The following SEC22C variants were observed in gnomAD, a reference collection of about 807,000 sequenced individuals.
SEC22C encodes vesicle-trafficking protein SEC22c.
SEC22C carries 29 observed loss-of-function variants against 34.7 expected under a neutral mutation model. The ratio of observed to expected loss-of-function variants is 0.84; its 90% CI spans 0.62 to 1.14. The LOEUF (loss-of-function observed/expected upper bound fraction) is 1.14, where lower values mean the gene tolerates loss of function less well. SEC22C is among the 50% of genes most tolerant of loss of function. The pLI, the probability that SEC22C is intolerant of heterozygous loss-of-function variation, is 0.00. For synonymous variants in SEC22C, 117 were observed against 132.8 expected (o/e 0.88, Z 0.82); for missense variants, 337 against 369.0 (o/e 0.91, Z 0.71).
At chr3:42,591,781 C>T (rs1289329674) in intron 1 of SEC22C, among the ~76,000 whole-genome samples, 1 of 152,190 alleles carries the variant, frequency 6.6e-6, no homozygotes, top group Admixed American at 6.5e-5. Context: ...GAGTACACTG[C>T]GGAGCCTGGA....
chr3:42,586,110 C>T (rs952528694), upstream of SEC22C, among the ~76,000 whole-genome samples: 1 of 152,338 alleles, frequency 6.6e-6, no homozygotes, highest in Admixed American at 6.5e-5. Flanking sequence ...TATGTGAACA[C>T]TCCATTGCTT....
chr3:42,563,531 A>G lies in SEC22C; in HGVS notation c.338T>C (p.Leu113Pro), dbSNP rs932417313. ...IGLASRPYAF[L>P]EFDSIIQKVK... is the part of the protein sequence containing the mutation. Reference sequence around the variant, plus strand: ...GAAAGAGGGTTACAAACCAAACTCAAGAAAAGCGTATGGCCTGGAGGCTAG... The same window carrying G: ...GAAAGAGGGTTACAAACCAAACTCAGGAAAAGCGTATGGCCTGGAGGCTAG... Residue 113 changes from leucine (L) to proline (P), a missense_variant, in exon 3 of 7, where the codon CTT becomes CCT. Physicochemically the swap from Leu to Pro is moderately conservative, Grantham distance 98 (BLOSUM62 -3). Coordinates refer to ENST00000264454, the MANE Select transcript of SEC22C (RefSeq NM_032970.4). The G allele has an allele frequency of 6.2e-7, 1 of 1,609,280 alleles. No individual in the cohort carries two copies. The highest frequency in any genetic ancestry group is 8.5e-7 in the Non-Finnish European group (1 of 1,178,640).
chr3:42,590,542 C>T (rs1203932568), intron 1 of SEC22C, among the ~76,000 whole-genome samples: 1 of 151,630 alleles, frequency 6.6e-6, no homozygotes, highest in African/African-American at 2.4e-5. Context: ...AGCTGAGATG[C>T]GCCACTGCAC....
At position 42,549,937 on chromosome 3, in the gene SEC22C, T is replaced by C; in HGVS notation, c.*3311A>G. The C allele has an allele frequency of 3.0e-6, 3 of 985,452 alleles. No homozygotes were observed. The highest frequency in any genetic ancestry group is 3.6e-6 in the Non-Finnish European group (3 of 829,946). The allele number at this position is 985,452 out of a possible 1,614,324, so 61.0% of individuals were successfully genotyped here. A position where few individuals can be genotyped will look rare whatever the true frequency, so the allele number is the denominator to read the frequency against. On this transcript the variant is annotated 3_prime_UTR_variant, in exon 7 of 7. Coordinates refer to ENST00000264454, the MANE Select transcript of SEC22C (RefSeq NM_032970.4). ...GCCTCCAGCTGCAGGCAGTGGGGCC[T>C]CTGGTACTGAGAGGGAATGCCACCC...
Position 42,549,706 on chromosome 3 carries a change from T to C in SEC22C, c.*3542A>G, listed in dbSNP as rs1038998899. 1.0e-6 allele frequency: 1 copy of C among 985,392 alleles called. No individual in the cohort carries two copies. The highest frequency in any genetic ancestry group is 1.7e-5 in the African/African-American group (1 of 57,248). The allele number at this position is 985,392 out of a possible 1,614,324, so 61.0% of individuals were successfully genotyped here. The stretch of plus-strand genomic sequence containing the variant: ...TCTCATCCCTCCAGAGACTCCAGTT[T>C]CAGACTCTGTCTCCAGAGCTGGAAT... On this transcript the variant is annotated 3_prime_UTR_variant, in exon 7 of 7. Transcript: ENST00000264454.
intron 2 of SEC22C, among the ~76,000 whole-genome samples, chr3:42,567,984 A>T (rs1703362583): frequency 6.6e-6 from 1 of 152,158 alleles, no homozygotes; most frequent in Non-Finnish European, 1.5e-5. Context: ...AAGCAGAAGA[A>T]TCACTTGAAC....
chr3:42,581,056 G>C (rs1417317303), intron 1 of SEC22C, among the ~76,000 whole-genome samples: 1 of 152,192 alleles, frequency 6.6e-6, no homozygotes, highest in East Asian at 1.9e-4. Context: ...TATTAACATT[G>C]TCCAAAATGT....
chr3:42,589,830 T>C (rs1419299954), intron 1 of SEC22C, among the ~76,000 whole-genome samples: 1 of 152,158 alleles, frequency 6.6e-6, no homozygotes, highest in Non-Finnish European at 1.5e-5. Flanking sequence ...GGACCACTGG[T>C]CTAGAAGACT....
chr3:42,570,157 C>T (rs1703527857), intron 1 of SEC22C, among the ~76,000 whole-genome samples: 1 of 152,172 alleles, frequency 6.6e-6, no homozygotes, highest in South Asian at 2.1e-4. Flanking sequence ...TTTGGCATCT[C>T]AGTTCTTCAT....
At chr3:42,566,229 T>C (rs1703228550) in intron 2 of SEC22C, among the ~76,000 whole-genome samples, 1 of 152,196 alleles carries the variant, frequency 6.6e-6, no homozygotes, top group African/African-American at 2.4e-5. Context: ...GACAGCTGCA[T>C]GTGCCTATTA....
At chr3:42,572,055 A>C (rs1703663358) in intron 1 of SEC22C, among the ~76,000 whole-genome samples, 3 of 152,038 alleles carry the variant, frequency 2.0e-5, no homozygotes, top group Admixed American at 2.0e-4. Flanking sequence ...AAAAATTCTG[A>C]AAGGTGGAGA....
intron 1 of SEC22C, among the ~76,000 whole-genome samples, chr3:42,581,020 G>A (rs1704305293): frequency 6.6e-6 from 1 of 152,182 alleles, no homozygotes. Context: ...GGCTTCTGTT[G>A]CAAATGCAAA....
intron 2 of SEC22C, chr3:42,563,897 A>G (rs761768742): frequency 2.1e-4 from 300 of 1,450,930 alleles, no homozygotes; most frequent in Non-Finnish European, 2.7e-4. Flanking sequence ...GTCTTAATCA[A>G]TGACAGCCTG....
intron 1 of SEC22C, chr3:42,594,630 A>C: frequency 1.3e-6 from 1 of 779,808 alleles, no homozygotes; most frequent in Middle Eastern, 3.9e-4. Flanking sequence ...AACATGAATG[A>C]AACCTCTGTG....
chr3:42,584,694 T>A (rs1704553142), upstream of SEC22C, among the ~76,000 whole-genome samples: 1 of 152,346 alleles, frequency 6.6e-6, no homozygotes, highest in East Asian at 1.9e-4. Flanking sequence ...CACCACCTCC[T>A]GGGATTTATA....
At chr3:42,570,484 G>A (rs1703549489) in intron 1 of SEC22C, among the ~76,000 whole-genome samples, 1 of 152,172 alleles carries the variant, frequency 6.6e-6, no homozygotes, top group South Asian at 2.1e-4. Flanking sequence ...AGAAACTGCA[G>A]TGATATAAAA....
chr3:42,596,875 C>A (rs1189794100), intron 1 of SEC22C, among the ~76,000 whole-genome samples: 1 of 152,146 alleles, frequency 6.6e-6, no homozygotes, highest in Non-Finnish European at 1.5e-5. Flanking sequence ...AGAATGAATT[C>A]TAGGTTTAAA....
At chr3:42,575,061 T>A (rs980171100) in intron 1 of SEC22C, among the ~76,000 whole-genome samples, 1 of 152,194 alleles carries the variant, frequency 6.6e-6, no homozygotes, top group Non-Finnish European at 1.5e-5. Flanking sequence ...TTGCCACAGC[T>A]GGTCTTGAAT....
intron 6 of SEC22C, among the ~76,000 whole-genome samples, chr3:42,554,777 G>A (rs542440663): frequency 1.6e-4 from 24 of 152,244 alleles, no homozygotes; most frequent in African/African-American, 5.1e-4. Flanking sequence ...TAGTCCATAC[G>A]GAGGACAAGG....
Sources: allele counts gnomAD v4.1 joint callset (sites outside exome capture counted in the v4.1 genomes callset), GRCh38; gene constraint gnomAD v4.1.1; transcripts MANE v1.5; gene names NCBI Gene and HGNC (gene_info 2026-07-23, HGNC 2026-07-21).